The following PKHD1L1 variants were observed in gnomAD, a reference collection of about 807,000 sequenced individuals.
PKHD1L1 encodes fibrocystin-L.
Under a neutral mutation model 462.9 loss-of-function variants are expected in PKHD1L1, and 434 were observed. The observed-to-expected ratio is 0.94, with a 90% CI of 0.87 to 1.02. The LOEUF (loss-of-function observed/expected upper bound fraction) is 1.02, where lower values mean the gene tolerates loss of function less well. Ranked by LOEUF, PKHD1L1 falls within the 50% of genes least tolerant of loss-of-function variation. PKHD1L1 has a pLI of 0.00. For missense variants in PKHD1L1, 5,202 were observed against 5,096.1 expected, an observed-to-expected ratio of 1.02 and a Z score of -0.63; for synonymous variants, 1,781 against 1,750.0, an observed-to-expected ratio of 1.02 and a Z score of -0.44.
At chr8:109,485,258 A>G in intron 58 of PKHD1L1, 85 bp downstream of exon 58, 1 of 1,205,458 alleles carries the variant, frequency 8.3e-7, no homozygotes, top group South Asian at 1.9e-5. Context: ...CTTTGATAAA[A>G]CATGTCACAA....
rs1273035789 is a variant in PKHD1L1, at chr8:109,400,162, G to C, written c.1099G>C (p.Gly367Arg). The C allele has an allele frequency of 1.9e-6, 3 of 1,613,566 alleles. No homozygotes were observed. The African/African-American group carries it at 4.0e-5, about 22-fold the overall frequency. Residue 367 changes from glycine (G) to arginine (R), a missense_variant, in exon 13 of 78, where the codon GGG becomes CGG. By Grantham distance (125) the Gly-to-Arg change is moderately radical. Transcript: ENST00000378402. ...ACTGGAATACAATGAAAAAACGCCT[G>C]GGTACATGGGTGCCAGTTGGGTAGA... ...EILEYNEKTPGYMGASWVDSA... is the reference protein window; with the variant it reads ...EILEYNEKTPRYMGASWVDSA...
rs779523306 is a variant in PKHD1L1 at position 109,518,242 on chromosome 8, T to C, written c.11765T>C (p.Leu3922Pro). ...GATGGAACCTACCAGATGCTTTATCTTTTGGTTAAAGGAACTATACCTGTT... is the reference window on the plus strand; with the variant it reads ...GATGGAACCTACCAGATGCTTTATCCTTTGGTTAAAGGAACTATACCTGTT... ...YFDGTYQMLY[L>P]LVKGTIPVEI... Residue 3922 changes from leucine (L) to proline (P), a missense_variant, in exon 73 of 78, where the codon CTT (leucine) becomes CCT (proline). Leu to Pro is a moderately conservative substitution (Grantham distance 98). This residue lies in a region of PKHD1L1 where 698 missense variants were observed against 736.3 expected (regional missense o/e 0.95). Coordinates refer to ENST00000378402, the MANE Select transcript of PKHD1L1 (RefSeq NM_177531.6). 4 of 1,610,946 alleles carry C rather than the reference T, an allele frequency of 2.5e-6. No individual in the cohort carries two copies. Among genetic ancestry groups the C allele is most frequent in the Non-Finnish European group, 3.4e-6 (4 of 1,177,558 alleles).
At chr8:109,477,461 C>G in intron 53 of PKHD1L1, 65 bp downstream of exon 53, 1 of 1,379,290 alleles carries the variant, frequency 7.3e-7, no homozygotes, top group Non-Finnish European at 9.9e-7. Context: ...TCACATGTCA[C>G]TCCTGGGTGA....
intron 44 of PKHD1L1, 128 bp from the exon 45 acceptor site, chr8:109,454,595 A>G: frequency 7.5e-7 from 1 of 1,327,888 alleles, no homozygotes; most frequent in Non-Finnish European, 1.0e-6. Context: ...TTCAAAAGAA[A>G]GATATGAACA....
chr8:109,448,091 T>A, intron 38 of PKHD1L1, 52 bp from the exon 39 acceptor site: 1 of 1,437,106 alleles, frequency 7.0e-7, no homozygotes, highest in Non-Finnish European at 9.3e-7. Flanking sequence ...TTTAAATGGA[T>A]GTGTATTAAT....
intron 1 of PKHD1L1, among the ~76,000 whole-genome samples, chr8:109,363,932 T>G (rs1027536558): frequency 1.3e-5 from 2 of 152,246 alleles, no homozygotes; most frequent in Non-Finnish European, 2.9e-5. Context: ...AAGTTAGGAC[T>G]GTTACACATT....
intron 2 of PKHD1L1, among the ~76,000 whole-genome samples, chr8:109,374,518 T>A (rs532899477): frequency 8.8e-4 from 134 of 152,350 alleles, no homozygotes; most frequent in African/African-American, 2.3e-3. Flanking sequence ...TTTATATTGT[T>A]ATGTGTGAAT....
At position 109,536,886 on chromosome 8, in the gene PKHD1L1, T is replaced by A. The variant is rs1821155237; in HGVS notation, c.*6796T>A. Among the ~76,000 whole-genome samples, 1 of 152,170 alleles carries A rather than the reference T, an allele frequency of 6.6e-6. No individual in the cohort carries two copies. Among genetic ancestry groups the A allele is most frequent in the African/African-American group, 2.4e-5 (1 of 41,438 alleles). Reference sequence around the variant, plus strand: ...ATAGAAAAGAAATAAAAAATCTGCTTCAGACTGTTTGATTTCTCTATTAGG... The same window carrying A: ...ATAGAAAAGAAATAAAAAATCTGCTACAGACTGTTTGATTTCTCTATTAGG... On this transcript the variant is annotated 3_prime_UTR_variant, in exon 78 of 78. Transcript: ENST00000378402.
At chr8:109,523,509 T>C (rs1820665408) in intron 76 of PKHD1L1, 123 bp downstream of exon 76, 14 of 957,054 alleles carry the variant, frequency 1.5e-5, no homozygotes, top group Non-Finnish European at 1.9e-5. Context: ...CAGAATGCTA[T>C]ATTTTGCCTT....
intron 30 of PKHD1L1, among the ~76,000 whole-genome samples, chr8:109,437,470 T>A (rs928613871): frequency 1.2e-4 from 18 of 150,076 alleles, no homozygotes; most frequent in African/African-American, 4.2e-4. Flanking sequence ...ATTAGGTATA[T>A]CTCCTAATGC....
chr8:109,472,903 A>AC (rs1817795595), intron 50 of PKHD1L1, among the ~76,000 whole-genome samples: 1 of 152,124 alleles, frequency 6.6e-6, no homozygotes, highest in African/African-American at 2.4e-5. Flanking sequence ...GGTTTGCTAT[A>AC]ATTTTACACA....
rs1173450365 is a variant in PKHD1L1, at chr8:109,533,581, A to G, written c.*3491A>G. On this transcript the variant is annotated 3_prime_UTR_variant, in exon 78 of 78. Coordinates refer to ENST00000378402, the MANE Select transcript of PKHD1L1 (RefSeq NM_177531.6). ...TCTGTGCAGTGGGTTACAAAAACAG[A>G]CATTATCTCGTGGCATATTCTAGAA... Among the ~76,000 whole-genome samples the G allele has an allele frequency of 2.0e-5, 3 of 152,190 alleles. No homozygotes were observed. The highest frequency in any genetic ancestry group is 7.2e-5 in the African/African-American group (3 of 41,446).
rs765399501 is a variant in PKHD1L1, at chr8:109,413,530, T to G, written c.2345T>G (p.Phe782Cys). The G allele has an allele frequency of 2.6e-6, 4 of 1,534,594 alleles. No individual in the cohort carries two copies. The East Asian group carries it at 9.4e-5, about 36-fold the overall frequency. The stretch of plus-strand genomic sequence containing the variant: ...ACTGATACACAGTTTACATACAACT[T>G]TGCTTATGGAAACAAGTAAGTTACG... ...RSTDTQFTYN[F>C]AYGNNWTYTC... The change falls in exon 21 of 78, where the codon TTT becomes TGT. Residue 782 changes from phenylalanine to cysteine, a missense_variant. By Grantham distance (205) the Phe-to-Cys change is radical (BLOSUM62 -2). Transcript: ENST00000378402.
In PKHD1L1 at chr8:109,515,337, G is replaced by A. The variant is rs758801188; in HGVS notation, c.11689+32G>A. On this transcript the variant is annotated intron_variant, in intron 72 of 77. Coordinates refer to ENST00000378402, the MANE Select transcript of PKHD1L1 (RefSeq NM_177531.6). ...TCTCAGAAAAAATACAGTACACATGGAAAATGTACTTATTTATAATATTTT... is the reference window on the plus strand; with the variant it reads ...TCTCAGAAAAAATACAGTACACATGAAAAATGTACTTATTTATAATATTTT... 25 of 1,391,820 alleles carry A rather than the reference G, an allele frequency of 1.8e-5. No individual in the cohort carries two copies. In the African/African-American group the frequency reaches 2.5e-4, roughly 14 times the overall value. The allele number at this position is 1,391,820 out of a possible 1,614,324, so 86.2% of individuals were successfully genotyped here.
intron 21 of PKHD1L1, among the ~76,000 whole-genome samples, chr8:109,414,096 T>G (rs902860553): frequency 6.6e-6 from 1 of 152,160 alleles, no homozygotes; most frequent in South Asian, 2.1e-4. Flanking sequence ...ATATAATTAT[T>G]TTTTGGGTTT....
At chr8:109,429,509 A>G (rs1563532125) in intron 26 of PKHD1L1, 47 bp downstream of exon 26, 10 of 1,541,858 alleles carry the variant, frequency 6.5e-6, no homozygotes, top group Middle Eastern at 1.7e-4. Context: ...TTTTAATAGT[A>G]TAACTAGTTT....
At chr8:109,435,385 A>T (rs748087090) in intron 29 of PKHD1L1, 31 bp downstream of exon 29, 1 of 1,590,854 alleles carries the variant, frequency 6.3e-7, no homozygotes, top group South Asian at 1.1e-5. Context: ...CAGAGAGAAA[A>T]TTGCATGCAT....
At position 109,362,596 on chromosome 8, in the gene PKHD1L1, C is replaced by T. The variant is rs1347538205; in HGVS notation, c.16C>T (p.Leu6Phe). The T allele has an allele frequency of 1.2e-6, 2 of 1,609,512 alleles. No individual in the cohort carries two copies. The highest frequency in any genetic ancestry group is 3.4e-5 in the Admixed American group (2 of 59,460). The change falls in exon 1 of 78, where the codon CTC (leucine) becomes TTC (phenylalanine). Residue 6 changes from leucine to phenylalanine, a missense_variant. By Grantham distance (22) the Leu-to-Phe change is conservative. Transcript: ENST00000378402. ...TGGCTTTTCAATGGGACACCTGTGGCTCCTGGGTATTTGGGGCCTCTGTGG... is the reference window on the plus strand; with the variant it reads ...TGGCTTTTCAATGGGACACCTGTGGTTCCTGGGTATTTGGGGCCTCTGTGG... MGHLW[L>F]LGIWGLCGLL...
At chr8:109,485,483 TCCTTGATCCAAAAG>T (rs1271951912) in intron 58 of PKHD1L1, among the ~76,000 whole-genome samples, 1 of 151,998 alleles carries the variant, frequency 6.6e-6, no homozygotes, top group East Asian at 1.9e-4. Flanking sequence ...AATTTGAGGA[TCCTTGATCCAAAAG>T]CCTTGTCCTA....
Sources: gnomAD v4.1 joint callset for allele counts (sites outside exome capture counted in the v4.1 genomes callset) on GRCh38, gnomAD v4.1.1 for gene constraint, gnomAD v4.1.1 regional missense constraint, MANE v1.5 for transcripts, NCBI Gene and HGNC (gene_info 2026-07-23, HGNC 2026-07-21) for gene names.